Variants in FOXP2 observed in about 807,000 individuals in gnomAD.
The protein encoded by FOXP2 is forkhead box P2, also known as forkhead box protein P2.
Under a neutral mutation model 115.8 loss-of-function variants are expected in FOXP2, and 12 were observed. The observed-to-expected ratio is 0.10, with a 90% CI of 0.07 to 0.17. The LOEUF is 0.17. Among genes scored for constraint, FOXP2 ranks in the 10% least tolerant of loss-of-function variants. FOXP2 has a pLI of 1.00. For synonymous variants in FOXP2, 328 were observed against 297.7 expected, an observed-to-expected ratio of 1.10 and a Z score of -1.05; for missense variants, 629 against 843.5, an observed-to-expected ratio of 0.75 and a Z score of 3.15.
intron 10 of FOXP2, among the ~76,000 whole-genome samples, chr7:114,656,192 T>C (rs1478664400): frequency 6.6e-6 from 1 of 152,164 alleles, no homozygotes; most frequent in Non-Finnish European, 1.5e-5. Flanking sequence ...TACAGAGTCC[T>C]GTCACATATT....
At chr7:114,401,287 A>G (rs118164958) in intron 2 of FOXP2, among the ~76,000 whole-genome samples, 1 of 152,336 alleles carries the variant, frequency 6.6e-6, no homozygotes, top group Non-Finnish European at 1.5e-5. Flanking sequence ...TATGAATTAT[A>G]TAATTACCCA....
upstream of FOXP2, among the ~76,000 whole-genome samples, chr7:114,161,636 AT>A (rs1792835226): frequency 6.6e-6 from 1 of 150,458 alleles, no homozygotes; most frequent in Admixed American, 6.6e-5. Flanking sequence ...AAACACGTGT[AT>A]GTGTGTGTGT....
intron 1 of FOXP2, among the ~76,000 whole-genome samples, chr7:114,132,750 A>G (rs12532000): frequency 0.23 from 34,766 of 152,032 alleles, 5,230 homozygotes; most frequent in Non-Finnish European, 0.33. Flanking sequence ...GTATTGAAGT[A>G]GAAGTGTCCT....
intron 1 of FOXP2, among the ~76,000 whole-genome samples, chr7:114,104,266 G>A (rs995756782): frequency 6.6e-6 from 1 of 151,800 alleles, no homozygotes; most frequent in Admixed American, 6.6e-5. Context: ...GGGCTTGGCT[G>A]TATGAGAAAA....
chr7:114,525,365 G>A (rs559746561), intron 2 of FOXP2, among the ~76,000 whole-genome samples: 53 of 152,266 alleles, frequency 3.5e-4, no homozygotes, highest in African/African-American at 1.3e-3. Flanking sequence ...GTGAAGTTAA[G>A]TATTACTAGC....
intron 2 of FOXP2, among the ~76,000 whole-genome samples, chr7:114,498,455 A>C (rs2129250215): frequency 6.6e-6 from 1 of 152,306 alleles, no homozygotes; most frequent in African/African-American, 2.4e-5. Context: ...ATATGGAAAA[A>C]GTAAATACAA....
rs759664494 is a variant in FOXP2, at chr7:114,653,988, G to A, written c.1245G>A (p.Glu415=). 4.3e-6 allele frequency: 7 copies of A among 1,613,336 alleles called. No individual in the cohort carries two copies. The South Asian group carries it at 6.6e-5, about 15-fold the overall frequency. Residue 415 remains glutamate (E), a synonymous_variant, in exon 10 of 17, where the codon GAG becomes GAA. Transcript: ENST00000350908. ...MMTHLHMRPS[E]PKPSPKPLNL... ...CCCACTTGCACATGCGACCCTCAGA[G>A]CCCAAACCATCTCCCAAACCTGTAA...
intron 1 of FOXP2, among the ~76,000 whole-genome samples, chr7:114,260,856 A>G (rs1795731549): frequency 6.6e-6 from 1 of 151,984 alleles, no homozygotes. Context: ...AAAAAAAAAT[A>G]TTCCCAGGCA....
intron 1 of FOXP2, among the ~76,000 whole-genome samples, chr7:114,271,892 TTAATATAATTATTAATATAATTA>T (rs1315486317): frequency 4.0e-5 from 5 of 125,800 alleles, no homozygotes; most frequent in Non-Finnish European, 7.8e-5. Context: ...ATTATAAACA[TTAATATAATTATTAATATAATTA>T]TAATATAATT....
chr7:114,133,557 G>T (rs1791948649), intron 1 of FOXP2, among the ~76,000 whole-genome samples: 1 of 152,232 alleles, frequency 6.6e-6, no homozygotes, highest in Admixed American at 6.5e-5. Context: ...GGAAGAACCA[G>T]TCCTATGGTT....
chr7:114,134,451 C>G (rs1377639148), intron 1 of FOXP2, among the ~76,000 whole-genome samples: 1 of 152,080 alleles, frequency 6.6e-6, no homozygotes, highest in Non-Finnish European at 1.5e-5. Flanking sequence ...GCTATTTGTA[C>G]GCCTGTAATC....
intron 2 of FOXP2, among the ~76,000 whole-genome samples, chr7:114,528,897 T>C (rs1289872022): frequency 6.6e-6 from 1 of 151,974 alleles, no homozygotes; most frequent in Non-Finnish European, 1.5e-5. Context: ...AAAACTATTA[T>C]AGTTACTGGA....
intron 2 of FOXP2, among the ~76,000 whole-genome samples, chr7:114,495,848 A>G (rs571076535): frequency 6.6e-6 from 1 of 152,202 alleles, no homozygotes; most frequent in South Asian, 2.1e-4. Context: ...TACCTAACTG[A>G]ATACTCAGTT....
Position 114,692,362 on chromosome 7 carries a change from C to T in FOXP2, c.*2436C>T, listed in dbSNP as rs1053710244. 2 of 453,752 alleles carry T rather than the reference C, an allele frequency of 4.4e-6. No homozygotes were observed. Among genetic ancestry groups the T allele is most frequent in the African/African-American group, 4.0e-5 (2 of 49,980 alleles). 28.1% of individuals were successfully genotyped at this position (453,752 alleles called of 1,614,324 possible). ...ATATGAATACAATTTTAAAAAATAG[C>T]TGCTTGCACATTATACCAGAAAAAC... On this transcript the variant is annotated 3_prime_UTR_variant, in exon 17 of 17. Transcript: ENST00000350908.
intron 2 of FOXP2, among the ~76,000 whole-genome samples, chr7:114,296,696 C>A (rs1027787412): frequency 6.6e-6 from 1 of 152,102 alleles, no homozygotes; most frequent in African/African-American, 2.4e-5. Flanking sequence ...ATACAAAGAT[C>A]TGAGCCCTTG....
At chr7:114,213,617 A>G (rs975804149) in intron 1 of FOXP2, among the ~76,000 whole-genome samples, 3 of 152,096 alleles carry the variant, frequency 2.0e-5, no homozygotes, top group Non-Finnish European at 2.9e-5. Context: ...AGCAATTTGA[A>G]TTTGTCATTT....
chr7:114,653,908 C>T lies in FOXP2; in HGVS notation c.1183-18C>T, dbSNP rs1165988378. On this transcript the variant is annotated intron_variant, in intron 9 of 16. Transcript: ENST00000350908. Reference sequence around the variant, plus strand: ...CAGTCATTTCTAAAACGCTTCTGATCTCACTCTTTCTTAACAGCTTTCTAA... The same window carrying T: ...CAGTCATTTCTAAAACGCTTCTGATTTCACTCTTTCTTAACAGCTTTCTAA... The T allele has an allele frequency of 6.2e-7, 1 of 1,610,836 alleles. No individual in the cohort carries two copies. The highest frequency in any genetic ancestry group is 1.7e-5 in the Admixed American group (1 of 59,900).
At chr7:114,515,144 T>C (rs1387609130) in intron 2 of FOXP2, among the ~76,000 whole-genome samples, 1 of 148,522 alleles carries the variant, frequency 6.7e-6, no homozygotes, top group Admixed American at 6.7e-5. Context: ...TGGTTCCAAG[T>C]CTTTGCTATT....
intron 1 of FOXP2, among the ~76,000 whole-genome samples, chr7:114,096,047 T>A (rs1584475917): frequency 6.6e-6 from 1 of 152,272 alleles, no homozygotes; most frequent in Non-Finnish European, 1.5e-5. Flanking sequence ...ATCTAGGTTG[T>A]TTTTTCCCTA....
Sources: gnomAD v4.1 joint callset for allele counts (sites outside exome capture counted in the v4.1 genomes callset) on GRCh38, gnomAD v4.1.1 for gene constraint, MANE v1.5 for transcripts, NCBI Gene and HGNC (gene_info 2026-07-23, HGNC 2026-07-21) for gene names.